The following ALPK1 variants were observed in gnomAD, a reference collection of about 807,000 sequenced individuals.
The protein encoded by ALPK1 is alpha-protein kinase 1.
Under a neutral mutation model 120.6 loss-of-function variants are expected in ALPK1, and 110 were observed. The observed-to-expected ratio is 0.91, with a 90% confidence interval of 0.78 to 1.07. The LOEUF (loss-of-function observed/expected upper bound fraction) is 1.07. Among genes scored for constraint, ALPK1 ranks in the 50% least tolerant of loss-of-function variants. The probability of loss-of-function intolerance (pLI) is 0.00; values close to 1 mark genes in which losing one functional copy is unlikely to be tolerated. For missense variants in ALPK1, 1,498 were observed against 1,483.9 expected (o/e 1.01, Z -0.16); for synonymous variants, 582 against 560.3 (o/e 1.04, Z -0.55).
chr4:112,364,478 C>T (rs975653642), intron 2 of ALPK1, among the ~76,000 whole-genome samples: 7 of 151,918 alleles, frequency 4.6e-5, no homozygotes, highest in Non-Finnish European at 1.0e-4. Flanking sequence ...TGGATAATTT[C>T]CTAGAAATAT....
chr4:112,356,521 A>G (rs994718256), intron 2 of ALPK1: 4 of 860,024 alleles, frequency 4.7e-6, no homozygotes, highest in African/African-American at 1.7e-5. Context: ...AACACCTCCT[A>G]CCGGCCTGAG....
chr4:112,353,610 G>A (rs1730465192), intron 2 of ALPK1, among the ~76,000 whole-genome samples: 2 of 152,144 alleles, frequency 1.3e-5, no homozygotes, highest in South Asian at 2.1e-4. Context: ...GCTTACACCT[G>A]TAATCTCAGC....
At chr4:112,378,309 A>C (rs1382969581) in intron 3 of ALPK1, among the ~76,000 whole-genome samples, 1 of 152,220 alleles carries the variant, frequency 6.6e-6, no homozygotes, top group Non-Finnish European at 1.5e-5. Context: ...GTTTCCATAA[A>C]TACGTCATCT....
intron 12 of ALPK1, 125 bp from the exon 13 acceptor site, chr4:112,438,359 C>A: frequency 1.2e-6 from 1 of 800,220 alleles, no homozygotes; most frequent in Non-Finnish European, 1.9e-6. Context: ...AATTAATATT[C>A]AGTCTAAGGC....
At chr4:112,342,359 C>T (rs1284885487) in intron 2 of ALPK1, among the ~76,000 whole-genome samples, 4 of 152,164 alleles carry the variant, frequency 2.6e-5, no homozygotes, top group Non-Finnish European at 5.9e-5. Flanking sequence ...ATTTCCACTC[C>T]TGCAATTAGG....
intron 4 of ALPK1, among the ~76,000 whole-genome samples, chr4:112,385,322 C>T (rs2148731070): frequency 6.6e-6 from 1 of 152,304 alleles, no homozygotes; most frequent in South Asian, 2.1e-4. Context: ...CTATGCCTCT[C>T]TATACTACAC....
At chr4:112,346,236 C>A (rs1354319747) in intron 2 of ALPK1, among the ~76,000 whole-genome samples, 2 of 152,254 alleles carry the variant, frequency 1.3e-5, no homozygotes, top group African/African-American at 4.8e-5. Context: ...TCTTTAATAT[C>A]ATTTATTATA....
In ALPK1 at chr4:112,431,015, A is replaced by G. The variant is rs778057294; in HGVS notation, c.1468A>G (p.Ile490Val). 1.2e-6 allele frequency: 2 copies of G among 1,613,384 alleles called. No homozygotes were observed. Among genetic ancestry groups the G allele is most frequent in the African/African-American group, 1.3e-5 (1 of 74,826 alleles). ...GAAAGATGCAAAAACAGGAGTCTGC[A>G]TCACTGCTCTAAAAACAGAAATAAA... ...EQKDAKTGVC[I>V]TALKTEIKNI... The change falls in exon 11 of 16, where the codon ATC becomes GTC. Residue 490 changes from isoleucine to valine, a missense_variant. Transcript: ENST00000650871.
chr4:112,372,402 C>T (rs980591603), intron 2 of ALPK1, among the ~76,000 whole-genome samples: 2 of 151,950 alleles, frequency 1.3e-5, no homozygotes, highest in African/African-American at 4.8e-5. Flanking sequence ...TTAGTAAAGA[C>T]CGGGTTTCTC....
intron 1 of ALPK1, among the ~76,000 whole-genome samples, chr4:112,312,480 G>T (rs1260470708): frequency 6.6e-6 from 1 of 152,114 alleles, no homozygotes; most frequent in Non-Finnish European, 1.5e-5. Context: ...CACCATGTTA[G>T]CCAGGATGGT....
chr4:112,309,348 A>G lies in ALPK1; in HGVS notation c.-152-6453A>G, dbSNP rs924359590. Among the ~76,000 whole-genome samples the G allele has an allele frequency of 3.9e-5, 6 of 152,174 alleles. 1 individual carries two copies. The highest frequency in any genetic ancestry group is 3.9e-4 in the Admixed American group (6 of 15,284). On this transcript the variant is annotated intron_variant, in intron 1 of 15. Coordinates refer to ENST00000650871, the MANE Select transcript of ALPK1 (RefSeq NM_025144.4). ...TCAGCTATGCCCTGCCCCCAGAGGT[A>G]GAGTCTGCAGAGGCAGGCAGGCCTC... is the stretch of plus-strand genomic sequence containing the variant.
intron 11 of ALPK1, among the ~76,000 whole-genome samples, chr4:112,433,826 T>G (rs1230684898): frequency 6.6e-6 from 1 of 152,204 alleles, no homozygotes; most frequent in Non-Finnish European, 1.5e-5. Context: ...TGGCGCCACA[T>G]GAGACTCTTC....
At chr4:112,407,742 T>C (rs985415279) in intron 4 of ALPK1, among the ~76,000 whole-genome samples, 1 of 152,124 alleles carries the variant, frequency 6.6e-6, no homozygotes, top group Non-Finnish European at 1.5e-5. Context: ...CTCTGGAGAA[T>C]AGCCGGCCTC....
At chr4:112,399,508 T>C (rs934403059) in intron 4 of ALPK1, among the ~76,000 whole-genome samples, 11 of 152,088 alleles carry the variant, frequency 7.2e-5, no homozygotes, top group Admixed American at 1.3e-4. Context: ...TCTTTTGGGA[T>C]TGGCTAGAAA....
In ALPK1 at chr4:112,430,996, T is replaced by C; in HGVS notation, c.1449T>C (p.Asp483=). 6.2e-7 allele frequency: 1 copy of C among 1,613,154 alleles called. No individual in the cohort carries two copies. Among genetic ancestry groups the C allele is most frequent in the Non-Finnish European group, 8.5e-7 (1 of 1,179,562 alleles). The part of the protein sequence containing the change: ...DCGNNKNEQK[D]AKTGVCITAL... The stretch of plus-strand genomic sequence containing the variant: ...GAAACAACAAAAATGAACAGAAAGA[T>C]GCAAAAACAGGAGTCTGCATCACTG... Residue 483 remains aspartate (D), a synonymous_variant, in exon 11 of 16, where the codon GAT becomes GAC. Coordinates refer to ENST00000650871, the MANE Select transcript of ALPK1 (RefSeq NM_025144.4).
intron 1 of ALPK1, among the ~76,000 whole-genome samples, chr4:112,299,215 A>G (rs1221426238): frequency 6.6e-6 from 1 of 152,074 alleles, no homozygotes; most frequent in African/African-American, 2.4e-5. Flanking sequence ...GGATAGACAA[A>G]CTTAAAAGAA....
chr4:112,402,728 A>T (rs1732975845), intron 4 of ALPK1, among the ~76,000 whole-genome samples: 1 of 152,236 alleles, frequency 6.6e-6, no homozygotes, highest in Non-Finnish European at 1.5e-5. Flanking sequence ...ATCACATAAC[A>T]GGAAAAATAC....
chr4:112,320,149 T>A (rs978525617), intron 2 of ALPK1, among the ~76,000 whole-genome samples: 1 of 152,242 alleles, frequency 6.6e-6, no homozygotes, highest in Non-Finnish European at 1.5e-5. Flanking sequence ...CTTTCAACTT[T>A]TCCCCATTTG....
intron 2 of ALPK1, among the ~76,000 whole-genome samples, chr4:112,325,722 C>T (rs185736375): frequency 1.0e-3 from 157 of 152,324 alleles, no homozygotes; most frequent in Non-Finnish European, 1.9e-3. Context: ...AGTATCACTG[C>T]TCTCCATCTG....
Sources: allele counts gnomAD v4.1 joint callset (sites outside exome capture counted in the v4.1 genomes callset), GRCh38; gene constraint gnomAD v4.1.1; transcripts MANE v1.5; gene names NCBI Gene and HGNC (gene_info 2026-07-23, HGNC 2026-07-21).